GAD1: variants seen among roughly 807,000 people sequenced by gnomAD.
GAD1 encodes the protein 67 kDa glutamic acid decarboxylase.
Under a neutral mutation model 75.2 loss-of-function variants are expected in GAD1, and 35 were observed. That is an observed-to-expected ratio of 0.47 (90% CI 0.36 to 0.62). GAD1 has a LOEUF of 0.62. Ranked by LOEUF, GAD1 falls within the 20% of genes least tolerant of loss-of-function variation. The probability of loss-of-function intolerance (pLI) is 0.00; values close to 1 mark genes in which losing one functional copy is unlikely to be tolerated. For missense variants in GAD1, 490 were observed against 758.5 expected (o/e 0.65, Z 4.16); for synonymous variants, 257 against 271.9 (o/e 0.95, Z 0.54).
chr2:170,855,415 C>T (rs1702830114), intron 14 of GAD1, among the ~76,000 whole-genome samples: 1 of 151,548 alleles, frequency 6.6e-6, no homozygotes, highest in Non-Finnish European at 1.5e-5. Flanking sequence ...ACCATGTTGG[C>T]CAGGCTAGAC....
intron 6 of GAD1, among the ~76,000 whole-genome samples, chr2:170,843,121 C>CT (rs1702553781): frequency 6.6e-6 from 1 of 152,174 alleles, no homozygotes; most frequent in South Asian, 2.1e-4. Flanking sequence ...TAGTAAATAT[C>CT]TTTTTGTTTT....
chr2:170,848,891 A>G, intron 11 of GAD1: 1 of 468,644 alleles, frequency 2.1e-6, no homozygotes, highest in East Asian at 6.0e-5. Context: ...AGCTGTTAGA[A>G]TTCTACTCTG....
chr2:170,849,682 C>T (rs1021462568), intron 12 of GAD1, among the ~76,000 whole-genome samples: 1 of 152,172 alleles, frequency 6.6e-6, no homozygotes, highest in Admixed American at 6.5e-5. Context: ...GACCCTGTCT[C>T]TAATAGCTAT....
rs182763934 is a variant in GAD1, at chr2:170,823,147, C to A, written c.145+998C>A. 2.6e-5 allele frequency among the ~76,000 whole-genome samples: 4 copies of A among 152,288 alleles called. No homozygotes were observed. In the East Asian group the frequency reaches 7.7e-4, roughly 29 times the overall value. Reference sequence around the variant, plus strand: ...TGTCCCCGGGCAGAGGTTGGAGAGGCGGGGGAAGATTAACGGGCGGCTTAT... The same window carrying A: ...TGTCCCCGGGCAGAGGTTGGAGAGGAGGGGGAAGATTAACGGGCGGCTTAT... On this transcript the variant is annotated intron_variant, in intron 3 of 16. Coordinates refer to ENST00000358196, the MANE Select transcript of GAD1 (RefSeq NM_000817.3).
At chr2:170,831,703 A>G (rs1349761594) in intron 5 of GAD1, among the ~76,000 whole-genome samples, 1 of 143,712 alleles carries the variant, frequency 7.0e-6, no homozygotes, top group Non-Finnish European at 1.5e-5. Context: ...TAATAATTAT[A>G]AATAATAAAA....
At chr2:170,813,898 G>A (rs997529798), upstream of GAD1, among the ~76,000 whole-genome samples, 1 of 152,168 alleles carries the variant, frequency 6.6e-6, no homozygotes, top group African/African-American at 2.4e-5. Context: ...AGAGAGACTG[G>A]AGGGGTCGCA....
At chr2:170,827,816 G>A (rs987990652) in intron 3 of GAD1, among the ~76,000 whole-genome samples, 11 of 152,256 alleles carry the variant, frequency 7.2e-5, no homozygotes, top group African/African-American at 2.6e-4. Context: ...TGTACAACAG[G>A]TGCTCAATAA....
chr2:170,829,355 A>T, intron 3 of GAD1, 120 bp from the exon 4 acceptor site: 1 of 1,154,472 alleles, frequency 8.7e-7, no homozygotes, highest in Non-Finnish European at 1.3e-6. Flanking sequence ...AAACACAGAC[A>T]CTCACTTCTT....
At chr2:170,831,315 A>G in intron 5 of GAD1, 123 bp downstream of exon 5, 12 of 1,122,538 alleles carry the variant, frequency 1.1e-5, no homozygotes, top group Non-Finnish European at 1.5e-5. Context: ...TAAGGCGGCA[A>G]AGTACCCAGT....
At chr2:170,854,397 CT>C (rs71399565) in intron 14 of GAD1, among the ~76,000 whole-genome samples, 5,610 of 112,716 alleles carry the variant, frequency 0.05, 86 homozygotes, top group African/African-American at 0.12. Flanking sequence ...ACCTTGAATT[CT>C]TTTTTTTTTT....
upstream of GAD1, among the ~76,000 whole-genome samples, chr2:170,813,927 C>A (rs1318909297): frequency 6.6e-6 from 1 of 152,156 alleles, no homozygotes; most frequent in Admixed American, 6.5e-5. Context: ...CCTCCTTCTT[C>A]TGCCTTTGAG....
chr2:170,841,764 G>A (rs1702523797), intron 6 of GAD1, among the ~76,000 whole-genome samples: 1 of 152,194 alleles, frequency 6.6e-6, no homozygotes, highest in Non-Finnish European at 1.5e-5. Flanking sequence ...TCAGGAGAGA[G>A]TGTCAGGCCT....
upstream of GAD1, chr2:170,816,485 C>T (rs933500280): frequency 6.6e-6 from 1 of 151,932 alleles, no homozygotes; most frequent in Non-Finnish European, 1.5e-5. Flanking sequence ...CCGCTCGTCT[C>T]CTACAATATA....
At chr2:170,856,546 C>G (rs1184703909) in intron 14 of GAD1, among the ~76,000 whole-genome samples, 1 of 152,124 alleles carries the variant, frequency 6.6e-6, no homozygotes, top group Non-Finnish European at 1.5e-5. Context: ...GACCAATACC[C>G]TAAAGATTAA....
rs201444526 is a variant in GAD1 at position 170,844,067 on chromosome 2, G to C, written c.661G>C (p.Val221Leu). The C allele has an allele frequency of 1.9e-6, 3 of 1,603,386 alleles. No homozygotes were observed. The highest frequency in any genetic ancestry group is 1.3e-5 in the African/African-American group (1 of 74,706). ...TNMFTYEIAP[V>L]FVLMEQITLK... The stretch of plus-strand genomic sequence containing the variant: ...CAGGTTTACATATGAAATTGCACCA[G>C]TGTTTGTCCTCATGGAACAAATAAC... Residue 221 changes from valine to leucine, a missense_variant, in exon 7 of 17, where the codon GTG becomes CTG. Around this residue, in one of 3 missense-constraint regions of GAD1, gnomAD observed 324 missense variants for 523.9 expected, o/e 0.62. Coordinates refer to ENST00000358196, the MANE Select transcript of GAD1 (RefSeq NM_000817.3).
chr2:170,825,143 TG>T (rs747492519), intron 3 of GAD1, among the ~76,000 whole-genome samples: 2 of 152,104 alleles, frequency 1.3e-5, no homozygotes, highest in Non-Finnish European at 2.9e-5. Context: ...CCCAACACTT[TG>T]GGAGGCCAAG....
rs1212644135 is a variant in GAD1, at chr2:170,818,046, G to A, written c.-63-483G>A. ...GGGAATTAGCCAGACACAACAACGGGAACCAGACACCGAACCAGACATGCC... is the reference window on the plus strand; with the variant it reads ...GGGAATTAGCCAGACACAACAACGGAAACCAGACACCGAACCAGACATGCC... On this transcript the variant is annotated intron_variant, in intron 1 of 16. Transcript: ENST00000358196. This position sits in a 1 kb window ranked among gnomAD's most constrained non-coding sequence, Gnocchi z 5.9. The A allele has an allele frequency of 1.2e-5, 2 of 161,546 alleles. No individual in the cohort carries two copies. Among genetic ancestry groups the A allele is most frequent in the African/African-American group, 4.8e-5 (2 of 41,574 alleles). 10.0% of individuals were successfully genotyped at this position (161,546 alleles called of 1,614,324 possible).
intron 7 of GAD1, among the ~76,000 whole-genome samples, chr2:170,844,725 G>C (rs990639230): frequency 2.0e-5 from 3 of 152,056 alleles, no homozygotes; most frequent in African/African-American, 7.2e-5. Flanking sequence ...TGAATCTCTA[G>C]TTTGAAGTAG....
At chr2:170,855,874 A>G (rs1424112094) in intron 14 of GAD1, among the ~76,000 whole-genome samples, 1 of 23,400 alleles carries the variant, frequency 4.3e-5, no homozygotes. Flanking sequence ...CTCCATCTCA[A>G]AAAAAAAAAA....
Sources: gnomAD v4.1 joint callset for allele counts (sites outside exome capture counted in the v4.1 genomes callset) on GRCh38, gnomAD v4.1.1 for gene constraint, gnomAD v4.1.1 regional missense constraint, Gnocchi (gnomAD v3.1) non-coding constraint, MANE v1.5 for transcripts, NCBI Gene and HGNC (gene_info 2026-07-23, HGNC 2026-07-21) for gene names.